Variants in SMYD3 observed in about 807,000 individuals in gnomAD.
The protein encoded by SMYD3 is histone-lysine N-methyltransferase SMYD3.
A neutral mutation model predicts 57.7 loss-of-function variants in SMYD3; 36 were observed. The observed-to-expected ratio is 0.62, with a 90% confidence interval of 0.48 to 0.82. SMYD3 has a LOEUF of 0.82. SMYD3 is among the 40% of genes least tolerant of loss of function. The pLI is 0.00. For synonymous variants in SMYD3, 211 were observed against 195.0 expected (o/e 1.08, Z -0.68); for missense variants, 515 against 538.8 (o/e 0.96, Z 0.44).
chr1:245,789,092 T>C (rs2047164074), intron 10 of SMYD3: 1 of 152,234 alleles, frequency 6.6e-6, no homozygotes, highest in African/African-American at 2.4e-5. Flanking sequence ...CCAGGAGCTT[T>C]TGGAGTCCCG....
intron 5 of SMYD3, among the ~76,000 whole-genome samples, chr1:246,296,842 T>C (rs2064803724): frequency 6.6e-6 from 1 of 152,224 alleles, no homozygotes; most frequent in African/African-American, 2.4e-5. Flanking sequence ...TGTATTATTG[T>C]ACTATACTTA....
chr1:245,991,388 G>T (rs982898174), intron 5 of SMYD3, among the ~76,000 whole-genome samples: 1 of 152,232 alleles, frequency 6.6e-6, no homozygotes, highest in Non-Finnish European at 1.5e-5. Context: ...ACGTGCATTT[G>T]TTATCTGTTT....
intron 1 of SMYD3, among the ~76,000 whole-genome samples, chr1:246,440,931 T>C (rs1193649826): frequency 6.6e-6 from 1 of 152,154 alleles, no homozygotes; most frequent in Non-Finnish European, 1.5e-5. Context: ...CTCAGTGCCA[T>C]GTGTGTAAGA....
intron 8 of SMYD3, among the ~76,000 whole-genome samples, chr1:245,908,484 T>G (rs2054735769): frequency 6.6e-6 from 1 of 152,184 alleles, no homozygotes; most frequent in African/African-American, 2.4e-5. Context: ...CACAGAGGAA[T>G]CCAGCAGATG....
intron 1 of SMYD3, among the ~76,000 whole-genome samples, chr1:246,442,055 G>T (rs1450492849): frequency 6.6e-6 from 1 of 152,184 alleles, no homozygotes; most frequent in African/African-American, 2.4e-5. Flanking sequence ...TTATAACTTA[G>T]CTGAGGAACC....
chr1:246,464,478 C>G (rs1006074615), intron 1 of SMYD3, among the ~76,000 whole-genome samples: 2 of 152,198 alleles, frequency 1.3e-5, no homozygotes, highest in Non-Finnish European at 2.9e-5. Context: ...GACTGCTCCA[C>G]TGCACTCCAG....
chr1:245,856,960 C>G (rs1394213150), intron 10 of SMYD3, among the ~76,000 whole-genome samples: 1 of 152,218 alleles, frequency 6.6e-6, no homozygotes, highest in Non-Finnish European at 1.5e-5. Context: ...TGACCTGCCT[C>G]TTTTTGCAAC....
chr1:246,178,538 C>T (rs2062473330), intron 5 of SMYD3, among the ~76,000 whole-genome samples: 3 of 152,136 alleles, frequency 2.0e-5, no homozygotes, highest in Admixed American at 1.3e-4. Context: ...CATACCTGCT[C>T]GATCAATATT....
At chr1:245,791,262 G>C (rs1266623493) in intron 10 of SMYD3, among the ~76,000 whole-genome samples, 2 of 152,210 alleles carry the variant, frequency 1.3e-5, no homozygotes, top group Non-Finnish European at 2.9e-5. Context: ...TTGGGGGAAA[G>C]AGAGCCTATT....
intron 5 of SMYD3, among the ~76,000 whole-genome samples, chr1:246,151,867 T>C (rs570954694): frequency 6.6e-6 from 1 of 152,312 alleles, no homozygotes; most frequent in African/African-American, 2.4e-5. Context: ...GCCGAGATCT[T>C]CTGGAGAAAG....
Position 246,250,567 on chromosome 1 carries a change from A to G in SMYD3, c.531+76634T>C, listed in dbSNP as rs368171325. On this transcript the variant is annotated intron_variant, in intron 5 of 11. Coordinates refer to ENST00000490107, the MANE Select transcript of SMYD3 (RefSeq NM_001167740.2). ...AATATCAGAAATAATCAATAGGCTT[A>G]TAACACTGCCAAAATGGTAGCAGAG... Among the ~76,000 whole-genome samples, 3 of 152,224 alleles carry G rather than the reference A, an allele frequency of 2.0e-5. No individual in the cohort carries two copies. The East Asian group carries it at 5.8e-4, about 29-fold the overall frequency.
intron 5 of SMYD3, among the ~76,000 whole-genome samples, chr1:246,281,863 T>C (rs2064449436): frequency 6.6e-6 from 1 of 152,106 alleles, no homozygotes; most frequent in Non-Finnish European, 1.5e-5. Flanking sequence ...ATACAGCTCA[T>C]ACTACCAGTC....
intron 10 of SMYD3, among the ~76,000 whole-genome samples, chr1:245,829,032 A>G (rs996514397): frequency 2.8e-5 from 4 of 141,488 alleles, no homozygotes; most frequent in East Asian, 4.1e-4. Context: ...ACTAACTCAC[A>G]CTTACCCAAG....
At chr1:246,005,506 G>A (rs2059153137) in intron 5 of SMYD3, among the ~76,000 whole-genome samples, 1 of 152,126 alleles carries the variant, frequency 6.6e-6, no homozygotes, top group Non-Finnish European at 1.5e-5. Flanking sequence ...TCTATAAAGG[G>A]CTACCCATTA....
chr1:246,335,351 T>C lies in SMYD3; in HGVS notation c.336+16A>G. ...TTAACCAAAACCCAGCTATATTTCATGAGTTTTATACTCACAAGTTTGAAG... is the reference window on the plus strand; with the variant it reads ...TTAACCAAAACCCAGCTATATTTCACGAGTTTTATACTCACAAGTTTGAAG... On this transcript the variant is annotated intron_variant, in intron 3 of 11. Transcript: ENST00000490107. 11 of 1,607,544 alleles carry C rather than the reference T, an allele frequency of 6.8e-6. No individual in the cohort carries two copies. Among genetic ancestry groups the C allele is most frequent in the Non-Finnish European group, 9.4e-6 (11 of 1,174,484 alleles).
rs573023358 is a variant in SMYD3 at position 245,885,143 on chromosome 1, G to A, written c.814-21257C>T. Among the ~76,000 whole-genome samples, 12 of 152,276 alleles carry A rather than the reference G, an allele frequency of 7.9e-5. No individual in the cohort carries two copies. In the South Asian group the frequency reaches 2.3e-3, roughly 29 times the overall value. On this transcript the variant is annotated intron_variant, in intron 8 of 11. Coordinates refer to ENST00000490107, the MANE Select transcript of SMYD3 (RefSeq NM_001167740.2). ...TGTAACATTCACTGTGAAGGTCTGC[G>A]GCTTCACTCCTGAAGTCAGCAAGAC...
At chr1:246,261,084 C>A (rs144793094) in intron 5 of SMYD3, among the ~76,000 whole-genome samples, 2,259 of 151,874 alleles carry the variant, frequency 0.015, 40 homozygotes, top group African/African-American at 0.035. Context: ...TTTGAGACGG[C>A]GTCTCACTCT....
At chr1:246,068,741 G>A (rs949503729) in intron 5 of SMYD3, among the ~76,000 whole-genome samples, 1 of 152,096 alleles carries the variant, frequency 6.6e-6, no homozygotes, top group Non-Finnish European at 1.5e-5. Context: ...ACTCTTATTA[G>A]TAACAAATCA....
intron 5 of SMYD3, among the ~76,000 whole-genome samples, chr1:246,079,085 A>C (rs539320929): frequency 6.6e-6 from 1 of 152,232 alleles, no homozygotes; most frequent in East Asian, 1.9e-4. Context: ...GCTTCTCCAT[A>C]GGCAGAGCAG....
Sources: gnomAD v4.1 joint callset for allele counts (sites outside exome capture counted in the v4.1 genomes callset) on GRCh38, gnomAD v4.1.1 for gene constraint, MANE v1.5 for transcripts, NCBI Gene and HGNC (gene_info 2026-07-23, HGNC 2026-07-21) for gene names.